Variants in SPMAP2L observed in about 807,000 individuals in gnomAD.
SPMAP2L encodes the protein sperm microtubule associated protein 2 like.
chr4:56,568,566 A>G, the SPMAP2L span, among the ~76,000 whole-genome samples: 4 of 152,204 alleles, frequency 2.6e-5, no homozygotes, highest in Non-Finnish European at 4.4e-5. Context: ...ATAGTGGCTT[A>G]TGCCTATAAT....
the SPMAP2L span, among the ~76,000 whole-genome samples, chr4:56,623,618 C>T: frequency 2.0e-5 from 3 of 152,274 alleles, no homozygotes; most frequent in East Asian, 1.9e-4. Flanking sequence ...AAGGAGGTAA[C>T]GGAATCATGG....
chr4:56,555,207 G>A, the SPMAP2L span, among the ~76,000 whole-genome samples: 1 of 152,088 alleles, frequency 6.6e-6, no homozygotes, highest in Non-Finnish European at 1.5e-5. Context: ...CCAAAGGGCT[G>A]GGATTACAGG....
the SPMAP2L span, chr4:56,595,017 A>C: frequency 6.2e-7 from 1 of 1,604,366 alleles, no homozygotes; most frequent in Admixed American, 1.7e-5. Flanking sequence ...CCATCATTTC[A>C]CTAAAGCGGA....
chr4:56,543,973 TGA>T, the SPMAP2L span, among the ~76,000 whole-genome samples: 40,794 of 126,062 alleles, frequency 0.32, 5,465 homozygotes, highest in African/African-American at 0.37. Context: ...TGTGTGTATG[TGA>T]GAGAGAGAGA....
chr4:56,537,842 G>C, the SPMAP2L span, among the ~76,000 whole-genome samples: 6 of 152,030 alleles, frequency 3.9e-5, no homozygotes, highest in Non-Finnish European at 5.9e-5. Context: ...ACAGGTGCCC[G>C]CCACCACGCC....
the SPMAP2L span, among the ~76,000 whole-genome samples, chr4:56,617,334 G>T: frequency 1.3e-5 from 2 of 152,060 alleles, no homozygotes; most frequent in African/African-American, 4.8e-5. Flanking sequence ...TCATATACTT[G>T]GTCTATTATT....
At chr4:56,603,298 A>G in the SPMAP2L span, 2 of 1,534,236 alleles carry the variant, frequency 1.3e-6, no homozygotes, top group Admixed American at 3.9e-5. Context: ...AGGATCTGGG[A>G]GTTGTCACAA....
chr4:56,547,121 T>G, the SPMAP2L span, among the ~76,000 whole-genome samples: 1 of 152,216 alleles, frequency 6.6e-6, no homozygotes, highest in African/African-American at 2.4e-5. Flanking sequence ...TTTAAGCCAT[T>G]GATACACTGA....
chr4:56,610,049 G>A, the SPMAP2L span, among the ~76,000 whole-genome samples: 1 of 152,094 alleles, frequency 6.6e-6, no homozygotes. Flanking sequence ...CAGATTTAAT[G>A]CAATTCCCAT....
chr4:56,557,189 C>T, the SPMAP2L span, among the ~76,000 whole-genome samples: 1 of 150,828 alleles, frequency 6.6e-6, no homozygotes, highest in East Asian at 2.0e-4. Flanking sequence ...GCTGAGGTTG[C>T]AGTGAGCTGA....
the SPMAP2L span, among the ~76,000 whole-genome samples, chr4:56,611,760 C>G: frequency 6.6e-6 from 1 of 152,118 alleles, no homozygotes; most frequent in Non-Finnish European, 1.5e-5. Flanking sequence ...TTTATTGGTG[C>G]CTATGTTTTT....
chr4:56,560,933 A>G, the SPMAP2L span, among the ~76,000 whole-genome samples: 144,953 of 152,030 alleles, frequency 0.95, 69,190 homozygotes, highest in Middle Eastern at 0.97. Context: ...TTTAGTAGAG[A>G]CAGAGTCTTG....
At chr4:56,531,317 C>A in the SPMAP2L span, 38 of 1,182,594 alleles carry the variant, frequency 3.2e-5, no homozygotes, top group Non-Finnish European at 4.1e-5. Flanking sequence ...GAACTCGTGT[C>A]ATTTACCTGT....
chr4:56,543,146 C>T, the SPMAP2L span, among the ~76,000 whole-genome samples: 2 of 150,474 alleles, frequency 1.3e-5, no homozygotes, highest in South Asian at 2.1e-4. Context: ...TGCAGGGGTG[C>T]GATCTTGGCT....
the SPMAP2L span, among the ~76,000 whole-genome samples, chr4:56,538,228 C>G: frequency 6.6e-6 from 1 of 152,132 alleles, no homozygotes; most frequent in African/African-American, 2.4e-5. Flanking sequence ...CCCTCATGCT[C>G]ACTTGGTCTC....
At chr4:56,540,360 T>G in the SPMAP2L span, among the ~76,000 whole-genome samples, 1 of 152,000 alleles carries the variant, frequency 6.6e-6, no homozygotes, top group Non-Finnish European at 1.5e-5. Context: ...CTGGCCAACA[T>G]GCCAAAACCC....
chr4:56,572,191 A>G, the SPMAP2L span, among the ~76,000 whole-genome samples: 87 of 152,344 alleles, frequency 5.7e-4, no homozygotes, highest in African/African-American at 2.0e-3. Context: ...TTTACAGGGA[A>G]GTTAAAAAAA....
the SPMAP2L span, chr4:56,596,522 C>A: frequency 6.5e-7 from 1 of 1,529,466 alleles, no homozygotes; most frequent in South Asian, 1.2e-5. Context: ...ATTTCACTTT[C>A]TACCCTGAGT....
the SPMAP2L span, among the ~76,000 whole-genome samples, chr4:56,573,595 T>C: frequency 6.6e-6 from 1 of 152,160 alleles, no homozygotes. Context: ...GTGTGCCCCA[T>C]TGTTCAAAGT....
Sources: allele counts gnomAD v4.1 joint callset (sites outside exome capture counted in the v4.1 genomes callset), GRCh38; gene constraint gnomAD v4.1.1; transcripts MANE v1.5; gene names NCBI Gene and HGNC (gene_info 2026-07-23, HGNC 2026-07-21).